Variants in CALML4 observed in about 807,000 individuals in gnomAD.
The protein encoded by CALML4 is calmodulin like 4.
CALML4 carries 16 observed loss-of-function variants against 17.9 expected under a neutral mutation model. The ratio of observed to expected loss-of-function variants is 0.89; its 90% CI spans 0.61 to 1.36. The LOEUF (loss-of-function observed/expected upper bound fraction) is 1.36, where lower values mean the gene tolerates loss of function less well. Among genes scored for constraint, CALML4 ranks in the 40% most tolerant of loss-of-function variants. The pLI is 0.00. For synonymous variants in CALML4, 86 were observed against 71.5 expected (o/e 1.20, Z -1.02); for missense variants, 203 against 194.8 (o/e 1.04, Z -0.25).
chr15:68,197,966 C>CGCTAGA lies in CALML4; in HGVS notation c.176-339_176-338insTCTAGC. ...CCTCCTGCCCTGAACTGGAGGGAAA[C>CGCTAGA]AGGTCCATGTGTGCATTCCACCTTT... is the stretch of plus-strand genomic sequence containing the variant. On this transcript the variant is annotated intron_variant, in intron 3 of 4. Transcript: ENST00000467889. This position sits in a 1 kb window ranked among gnomAD's most constrained non-coding sequence, Gnocchi z 4.1. 4.1e-6 allele frequency: 1 copy of CGCTAGA among 246,806 alleles called. No individual in the cohort carries two copies. The highest frequency in any genetic ancestry group is 7.9e-6 in the Non-Finnish European group (1 of 126,450). 15.3% of individuals were successfully genotyped at this position (246,806 alleles called of 1,614,324 possible).
chr15:68,194,877 C>T (rs1595808282), intron 4 of CALML4, among the ~76,000 whole-genome samples: 1 of 151,314 alleles, frequency 6.6e-6, no homozygotes, highest in East Asian at 1.9e-4. Context: ...CTCACCACCT[C>T]TGCCCCCACC....
intron 2 of CALML4, among the ~76,000 whole-genome samples, chr15:68,202,845 G>A (rs973052090): frequency 1.6e-5 from 2 of 126,130 alleles, no homozygotes; most frequent in African/African-American, 3.2e-5. Flanking sequence ...ACAGAGTCTC[G>A]CTCTTGTTGC....
At chr15:68,199,421 G>T in intron 3 of CALML4, 120 bp downstream of exon 3, 1 of 1,129,344 alleles carries the variant, frequency 8.9e-7, no homozygotes, top group African/African-American at 1.6e-5. Context: ...TGCCACAGCT[G>T]GATCCCCAGG....
chr15:68,194,073 C>T lies in CALML4; in HGVS notation c.404G>A (p.Gly135Asp), dbSNP rs760807311. Reference protein sequence around the residue: ...LFREADIEPNGKVKYDEFIHK... With the variant: ...LFREADIEPNDKVKYDEFIHK... ...GATAAATTCATCATACTTCACTTTG[C>T]CATTGGGTTCGATATCTGCTTCCCT... Residue 135 changes from glycine to aspartate, a missense_variant, in exon 5 of 5, where the codon GGC becomes GAC. Gly to Asp is a moderately conservative substitution (Grantham distance 94). Transcript: ENST00000467889. 2.5e-6 allele frequency: 4 copies of T among 1,614,058 alleles called. No homozygotes were observed. The highest frequency in any genetic ancestry group is 3.4e-6 in the Non-Finnish European group (4 of 1,179,908).
upstream of CALML4, chr15:68,205,384 G>A (rs780816912): frequency 1.2e-5 from 19 of 1,613,562 alleles, no homozygotes; most frequent in East Asian, 3.8e-4. The surrounding 1 kb of genome is among the most constrained non-coding windows in gnomAD (Gnocchi z 4.8). Flanking sequence ...CATGGAGACT[G>A]GGCCCGACGC....
At chr15:68,198,911 C>T (rs1005626718) in intron 3 of CALML4, among the ~76,000 whole-genome samples, 3 of 152,160 alleles carry the variant, frequency 2.0e-5, no homozygotes, top group African/African-American at 7.2e-5. Flanking sequence ...CCTCTAACCC[C>T]AGCACTTTGG....
chr15:68,194,199 A>C, intron 4 of CALML4, 87 bp from the exon 5 acceptor site: 1 of 971,274 alleles, frequency 1.0e-6, no homozygotes, highest in South Asian at 1.4e-5. Flanking sequence ...AGCTCCCCTA[A>C]GGTCTTCCCT....
At position 68,197,770 on chromosome 15, in the gene CALML4, A is replaced by G; in HGVS notation, c.176-142T>C. 1.4e-6 allele frequency: 1 copy of G among 691,112 alleles called. No individual in the cohort carries two copies. The highest frequency in any genetic ancestry group is 1.9e-5 in the South Asian group (1 of 53,008). The allele number at this position is 691,112 out of a possible 1,614,324, so 42.8% of individuals were successfully genotyped here. ...GGATGTGGCAGTGGTCACAGTGAAG[A>G]GGATGCATCCCCTCCCACCGAGTTC... On this transcript the variant is annotated intron_variant, in intron 3 of 4. Coordinates refer to ENST00000467889, the MANE Select transcript of CALML4 (RefSeq NM_033429.3). This position sits in a 1 kb window ranked among gnomAD's most constrained non-coding sequence, Gnocchi z 4.1.
At chr15:68,201,486 GTCTT>G (rs1231371783) in intron 2 of CALML4, among the ~76,000 whole-genome samples, 1 of 152,328 alleles carries the variant, frequency 6.6e-6, no homozygotes, top group East Asian at 1.9e-4. Flanking sequence ...CCCTCACCTT[GTCTT>G]TCTGTCTGGG....
rs1173067742 is a variant in CALML4 at position 68,205,104 on chromosome 15, G to C, written c.34+17C>G. On this transcript the variant is annotated intron_variant, in intron 2 of 4. Transcript: ENST00000467889. This position sits in a 1 kb window ranked among gnomAD's most constrained non-coding sequence, Gnocchi z 4.8. ...ATATTTTGCTGAGTTGCTAATCAAA[G>C]AACAAACCCAACCTACCATTAATTT... 3.1e-6 allele frequency: 5 copies of C among 1,613,752 alleles called. No individual in the cohort carries two copies. The East Asian group carries it at 1.1e-4, about 36-fold the overall frequency.
Position 68,193,955 on chromosome 15 carries a change from TAAA to T in CALML4, c.*57_*59del. 7.8e-7 allele frequency: 1 copy of T among 1,283,634 alleles called. No individual in the cohort carries two copies. The highest frequency in any genetic ancestry group is 1.1e-6 in the Non-Finnish European group (1 of 890,762). The allele number at this position is 1,283,634 out of a possible 1,614,324, so 79.5% of individuals were successfully genotyped here. A position where few individuals can be genotyped will look rare whatever the true frequency, so the allele number is the denominator to read the frequency against. On this transcript the variant is annotated 3_prime_UTR_variant, in exon 5 of 5. Transcript: ENST00000467889. The stretch of plus-strand genomic sequence containing the variant: ...TCTCCCAAGTGAAAAGAACACTTTT[TAAA>T]AAAAATTAATTGCTCCAAGTTTTCA...
At chr15:68,196,641 C>G (rs1193647213) in intron 4 of CALML4, among the ~76,000 whole-genome samples, 2 of 152,160 alleles carry the variant, frequency 1.3e-5, no homozygotes. Flanking sequence ...GCGAACATGG[C>G]AGGGCTAGGC....
chr15:68,202,495 A>T (rs1295577930), intron 2 of CALML4, among the ~76,000 whole-genome samples: 1 of 151,968 alleles, frequency 6.6e-6, no homozygotes, highest in African/African-American at 2.4e-5. Flanking sequence ...AGTCCCAGCT[A>T]CTCAGGAGAC....
chr15:68,195,602 G>A (rs2093140860), intron 4 of CALML4, among the ~76,000 whole-genome samples: 1 of 152,142 alleles, frequency 6.6e-6, no homozygotes, highest in Admixed American at 6.5e-5. Context: ...GAAAGCCAAA[G>A]TGCTAAAGTC....
rs537373185 is a variant in CALML4, at chr15:68,191,743, A to C, written c.*2272T>G. 2 of 152,386 alleles carry C rather than the reference A, an allele frequency of 1.3e-5. No individual in the cohort carries two copies. Among genetic ancestry groups the C allele is most frequent in the South Asian group, 4.1e-4 (2 of 4,832 alleles). The allele number at this position is 152,386 out of a possible 1,614,324, so 9.4% of individuals were successfully genotyped here. ...GCACCGTGGCCTTCTTGTAAACAAC[A>C]CTAGGTGCTAGAGAAACCAGCTGGA... On this transcript the variant is annotated 3_prime_UTR_variant, in exon 5 of 5. Coordinates refer to ENST00000467889, the MANE Select transcript of CALML4 (RefSeq NM_033429.3).
upstream of CALML4, chr15:68,205,885 A>G (rs145059814): frequency 2.4e-3 from 401 of 169,558 alleles, 1 homozygote; most frequent in Admixed American, 5.5e-3. The surrounding 1 kb of genome is among the most constrained non-coding windows in gnomAD (Gnocchi z 4.8). Flanking sequence ...GCTGAATTAC[A>G]GGGCAGCTGG....
intron 2 of CALML4, among the ~76,000 whole-genome samples, chr15:68,202,797 C>A (rs75933314): frequency 6.7e-6 from 1 of 148,232 alleles, no homozygotes; most frequent in Admixed American, 6.7e-5. Flanking sequence ...GCATGTGCCA[C>A]CATGACCGGC....
intron 2 of CALML4, among the ~76,000 whole-genome samples, chr15:68,203,316 G>A (rs2093171585): frequency 6.6e-6 from 1 of 152,214 alleles, no homozygotes; most frequent in Non-Finnish European, 1.5e-5. Context: ...TTTGACAAAT[G>A]AAGCTGCGCG....
intron 2 of CALML4, among the ~76,000 whole-genome samples, chr15:68,201,232 C>T (rs937796839): frequency 3.3e-5 from 5 of 152,318 alleles, no homozygotes; most frequent in East Asian, 1.9e-4. Flanking sequence ...CCTGAGCTTC[C>T]GAAGGGGCAA....
Sources: allele counts gnomAD v4.1 joint callset (sites outside exome capture counted in the v4.1 genomes callset), GRCh38; gene constraint gnomAD v4.1.1; non-coding constraint Gnocchi (gnomAD v3.1); transcripts MANE v1.5; gene names NCBI Gene and HGNC (gene_info 2026-07-23, HGNC 2026-07-21).